BMPER: variants seen among roughly 807,000 people sequenced by gnomAD.
BMPER encodes the protein BMP binding endothelial regulator, also known as BMP-binding endothelial regulator protein.
BMPER carries 45 observed loss-of-function variants against 87.3 expected under a neutral mutation model. That is an observed-to-expected ratio of 0.52 (90% CI 0.41 to 0.66). The LOEUF is 0.66. Ranked by LOEUF, BMPER falls within the 30% of genes least tolerant of loss-of-function variation. BMPER has a pLI of 0.00. For synonymous variants in BMPER, 326 were observed against 316.2 expected, an observed-to-expected ratio of 1.03 and a Z score of -0.33; for missense variants, 784 against 867.5, an observed-to-expected ratio of 0.90 and a Z score of 1.21.
chr7:33,980,736 C>T (rs549729392), intron 6 of BMPER, among the ~76,000 whole-genome samples: 6 of 152,250 alleles, frequency 3.9e-5, no homozygotes, highest in East Asian at 3.9e-4. Context: ...CCAAATTAAC[C>T]GGCCAAGATC....
At chr7:34,150,841 G>GT in intron 14 of BMPER, among the ~76,000 whole-genome samples, 1 of 152,288 alleles carries the variant, frequency 6.6e-6, no homozygotes, top group African/African-American at 2.4e-5. Flanking sequence ...CTATATTTGA[G>GT]TTGGTGTGTG....
intron 14 of BMPER, among the ~76,000 whole-genome samples, chr7:34,143,683 T>G (rs1395554862): frequency 6.6e-6 from 1 of 152,230 alleles, no homozygotes; most frequent in Non-Finnish European, 1.5e-5. Flanking sequence ...GCTTAGGTTA[T>G]GTGTGAAGCA....
intron 6 of BMPER, among the ~76,000 whole-genome samples, chr7:33,977,304 C>A (rs1308697391): frequency 1.3e-5 from 2 of 151,906 alleles, no homozygotes; most frequent in African/African-American, 4.8e-5. Flanking sequence ...GTCTTGGCAG[C>A]AAATGGCCCT....
chr7:34,034,948 C>A (rs144415378), intron 6 of BMPER, among the ~76,000 whole-genome samples: 4 of 152,142 alleles, frequency 2.6e-5, no homozygotes, highest in Non-Finnish European at 2.9e-5. Flanking sequence ...CCAGACATGT[C>A]AGAACACTAG....
chr7:33,905,525 T>C, upstream of BMPER: 1 of 1,382,196 alleles, frequency 7.2e-7, no homozygotes, highest in Non-Finnish European at 9.6e-7. Flanking sequence ...ACACGCCGGC[T>C]GAGAGCCCTT....
chr7:33,917,162 C>G (rs2128603313), intron 2 of BMPER, among the ~76,000 whole-genome samples: 1 of 152,286 alleles, frequency 6.6e-6, no homozygotes, highest in East Asian at 1.9e-4. Flanking sequence ...CTGACTTCCA[C>G]TTTCAAAAAG....
At chr7:33,980,496 A>C (rs1785823026) in intron 6 of BMPER, among the ~76,000 whole-genome samples, 1 of 152,224 alleles carries the variant, frequency 6.6e-6, no homozygotes, top group Non-Finnish European at 1.5e-5. Flanking sequence ...TCAACTTTTC[A>C]GGAAACAGGA....
chr7:34,117,139 C>G (rs545618958), intron 13 of BMPER, among the ~76,000 whole-genome samples: 1 of 152,048 alleles, frequency 6.6e-6, no homozygotes, highest in South Asian at 2.1e-4. Context: ...AATCCGTATC[C>G]CCCAATCAGA....
intron 6 of BMPER, among the ~76,000 whole-genome samples, chr7:33,993,179 G>T: frequency 6.8e-6 from 1 of 147,310 alleles, no homozygotes; most frequent in African/African-American, 2.5e-5. Context: ...TGCTAGATTG[G>T]GGAAGTTCTC....
chr7:34,089,672 T>TG (rs1269859509), intron 13 of BMPER, among the ~76,000 whole-genome samples: 3 of 151,944 alleles, frequency 2.0e-5, no homozygotes, highest in Non-Finnish European at 4.4e-5. Flanking sequence ...TTAGTAGAGA[T>TG]GGGTTTTCAC....
intron 6 of BMPER, among the ~76,000 whole-genome samples, chr7:34,031,406 A>G (rs1165707131): frequency 6.6e-6 from 1 of 152,128 alleles, no homozygotes; most frequent in Non-Finnish European, 1.5e-5. Flanking sequence ...TTGAACTTAT[A>G]TAAATATATT....
intron 6 of BMPER, among the ~76,000 whole-genome samples, chr7:34,033,229 T>C (rs1415177250): frequency 1.3e-5 from 2 of 152,162 alleles, no homozygotes; most frequent in Admixed American, 1.3e-4. Context: ...ATCTAAATAT[T>C]AAGAGAAATA....
rs148539524 is a variant in BMPER, at chr7:34,073,248, G to A, written c.1079-5609G>A. Among the ~76,000 whole-genome samples, 854 of 152,188 alleles carry A rather than the reference G, an allele frequency of 5.6e-3. 5 individuals carry two copies. Among genetic ancestry groups the A allele is most frequent in the African/African-American group, 0.019 (802 of 41,524 alleles). ...ATATACCGTTATATGTTGCTTAATGGTAGGAATATGTTCTGAGAAGTGCAT... is the reference window on the plus strand; with the variant it reads ...ATATACCGTTATATGTTGCTTAATGATAGGAATATGTTCTGAGAAGTGCAT... On this transcript the variant is annotated intron_variant, in intron 11 of 14. Coordinates refer to ENST00000649409, the MANE Select transcript of BMPER (RefSeq NM_001365308.1).
At chr7:33,922,482 T>C (rs1035354550) in intron 2 of BMPER, among the ~76,000 whole-genome samples, 4 of 152,160 alleles carry the variant, frequency 2.6e-5, no homozygotes, top group Non-Finnish European at 5.9e-5. Flanking sequence ...CTCACCTTAT[T>C]TTATTGTTGT....
intron 10 of BMPER, among the ~76,000 whole-genome samples, chr7:34,059,570 G>A (rs1330579484): frequency 1.1e-5 from 1 of 90,496 alleles, no homozygotes; most frequent in Non-Finnish European, 2.0e-5. Flanking sequence ...CCAAGGCCCC[G>A]GCCTCAGGGG....
intron 11 of BMPER, among the ~76,000 whole-genome samples, chr7:34,071,415 T>C (rs1396810433): frequency 2.0e-5 from 3 of 152,220 alleles, no homozygotes; most frequent in Non-Finnish European, 1.5e-5. Context: ...TTGTGCATGA[T>C]TTTATAAGCC....
Position 34,153,324 on chromosome 7 carries a change from G to A in BMPER, c.*51G>A, listed in dbSNP as rs1489405926. The A allele has an allele frequency of 3.7e-6, 6 of 1,602,482 alleles. No individual in the cohort carries two copies. Among genetic ancestry groups the A allele is most frequent in the Non-Finnish European group, 5.1e-6 (6 of 1,170,768 alleles). The stretch of plus-strand genomic sequence containing the variant: ...GAAATCTGGTGACTTTGACACTGAA[G>A]CGGAAGAGCCAATGAAGGACTGCAG... On this transcript the variant is annotated 3_prime_UTR_variant, in exon 15 of 15. Coordinates refer to ENST00000649409, the MANE Select transcript of BMPER (RefSeq NM_001365308.1).
In BMPER at chr7:34,078,910, C is replaced by A; in HGVS notation, c.1132C>A (p.Arg378=). The A allele has an allele frequency of 6.2e-7, 1 of 1,614,188 alleles. No homozygotes were observed. The highest frequency in any genetic ancestry group is 8.5e-7 in the Non-Finnish European group (1 of 1,180,036). Residue 378 remains arginine, a synonymous_variant, in exon 12 of 15, where the codon CGG becomes AGG. Transcript: ENST00000649409. ...GDPHYNTFDG[R]TFNFQGTCQY... ...TCCCCACTACAACACTTTTGACGGT[C>A]GGACATTTAACTTTCAGGGGACGTG...
Position 34,032,529 on chromosome 7 carries a change from T to C in BMPER, c.577-13777T>C, listed in dbSNP as rs574305528. On this transcript the variant is annotated intron_variant, in intron 6 of 14. Coordinates refer to ENST00000649409, the MANE Select transcript of BMPER (RefSeq NM_001365308.1). The stretch of plus-strand genomic sequence containing the variant: ...AGTATTTTGATGCAGACACCTCACA[T>C]ATTAAGTATTGGATGAAAGAAATGT... 2.0e-5 allele frequency among the ~76,000 whole-genome samples: 3 copies of C among 152,288 alleles called. No homozygotes were observed. The East Asian group carries it at 5.8e-4, about 29-fold the overall frequency.
Sources: allele counts gnomAD v4.1 joint callset (sites outside exome capture counted in the v4.1 genomes callset), GRCh38; gene constraint gnomAD v4.1.1; transcripts MANE v1.5; gene names NCBI Gene and HGNC (gene_info 2026-07-23, HGNC 2026-07-21).